The following NBPF15 variants were observed in gnomAD, a reference collection of about 807,000 sequenced individuals.
The protein encoded by NBPF15 is NBPF member 15, also known as NBPF family member NBPF15.
Under a neutral mutation model 62.2 loss-of-function variants are expected in NBPF15, and 74 were observed. That is an observed-to-expected ratio of 1.19 (90% CI 0.99 to 1.44). The LOEUF (loss-of-function observed/expected upper bound fraction) is 1.44. Among genes scored for constraint, NBPF15 ranks in the 40% most tolerant of loss-of-function variants. The pLI is 0.00. For missense variants in NBPF15, 790 were observed against 550.0 expected (o/e 1.44, Z -4.36); for synonymous variants, 244 against 209.7 (o/e 1.16, Z -1.41).
chr1:144,445,928 C>G (rs1271288047), intron 6 of NBPF15, among the ~76,000 whole-genome samples: 13 of 144,386 alleles, frequency 9.0e-5, no homozygotes, highest in Admixed American at 7.7e-4. Flanking sequence ...GCGATCTCGG[C>G]TCACTGCAAC....
At chr1:144,440,805 A>C (rs1571139382) in intron 6 of NBPF15, among the ~76,000 whole-genome samples, 3 of 150,710 alleles carry the variant, frequency 2.0e-5, no homozygotes, top group Admixed American at 6.6e-5. Flanking sequence ...GGCGCCCGCC[A>C]CCACGCCCGG....
In NBPF15 at chr1:144,439,883, T is replaced by A. The variant is rs1286241517; in HGVS notation, c.121A>T (p.Lys41Ter). The A allele has an allele frequency of 6.2e-7, 1 of 1,610,936 alleles. No homozygotes were observed. Among genetic ancestry groups the A allele is most frequent in the Non-Finnish European group, 8.5e-7 (1 of 1,178,994 alleles). Residue 41 changes from lysine (K) to a stop codon, truncating the protein, a stop_gained, in exon 8 of 22, where the codon AAA becomes TAA. Coordinates refer to ENST00000581897, the MANE Select transcript of NBPF15 (RefSeq NM_001385408.1). LOFTEE classifies it high-confidence loss of function. Reference sequence around the variant, plus strand: ...CCGGCCAGTTGAGTTAGAAAACATTTCTCTTTGAGGTTTCTGAACTGCTGT... The same window carrying A: ...CCGGCCAGTTGAGTTAGAAAACATTACTCTTTGAGGTTTCTGAACTGCTGT... ...KKQQFRNLKE[K>*]CFLTQLAGFL...
rs1442174216 is a variant in NBPF15, at chr1:144,422,916, T to A, written c.*97A>T. ...GCCATGCTCACTGACCCATCCTATG[T>A]CTGGGCTTCCAAATGGAACTGTACT... On this transcript the variant is annotated 3_prime_UTR_variant, in exon 22 of 22. Transcript: ENST00000581897. 6.2e-7 allele frequency: 1 copy of A among 1,610,632 alleles called. No individual in the cohort carries two copies. Among genetic ancestry groups the A allele is most frequent in the East Asian group, 2.2e-5 (1 of 44,844 alleles).
chr1:144,445,051 G>C (rs1686279152), intron 6 of NBPF15, among the ~76,000 whole-genome samples: 1 of 151,106 alleles, frequency 6.6e-6, no homozygotes, highest in Non-Finnish European at 1.5e-5. Flanking sequence ...TTTAATTTTA[G>C]CCATTCTTAT....
At chr1:144,441,419 T>A (rs1682843865) in intron 6 of NBPF15, among the ~76,000 whole-genome samples, 1 of 151,430 alleles carries the variant, frequency 6.6e-6, no homozygotes, top group South Asian at 2.1e-4. Flanking sequence ...CATTTAGATA[T>A]CTTCTTATGG....
intron 17 of NBPF15, 73 bp from the exon 18 acceptor site, chr1:144,426,523 G>C (rs1669771167): frequency 2.5e-5 from 19 of 770,252 alleles, no homozygotes; most frequent in South Asian, 2.3e-4. Flanking sequence ...TAGATTTCAT[G>C]GCTAACATAA....
At chr1:144,429,156 A>G (rs1553539859) in intron 14 of NBPF15, among the ~76,000 whole-genome samples, 4 of 151,620 alleles carry the variant, frequency 2.6e-5, no homozygotes, top group Non-Finnish European at 4.4e-5. Flanking sequence ...CCGTTTATCT[A>G]GAAAACGTAC....
At position 144,443,935 on chromosome 1, in the gene NBPF15, G is replaced by A. The variant is rs1322432360; in HGVS notation, c.-190-3640C>T. ...CAGCCTTTCAACCCTCAGCCCCAAGGAGCCACTGTCACTTCAGGTCCGTTT... is the reference window on the plus strand; with the variant it reads ...CAGCCTTTCAACCCTCAGCCCCAAGAAGCCACTGTCACTTCAGGTCCGTTT... On this transcript the variant is annotated intron_variant, in intron 6 of 21. Coordinates refer to ENST00000581897, the MANE Select transcript of NBPF15 (RefSeq NM_001385408.1). 5.3e-5 allele frequency among the ~76,000 whole-genome samples: 8 copies of A among 151,064 alleles called. No homozygotes were observed. The South Asian group carries it at 6.3e-4, about 12-fold the overall frequency.
intron 6 of NBPF15, among the ~76,000 whole-genome samples, chr1:144,443,954 T>C (rs1258391753): frequency 2.0e-5 from 3 of 151,506 alleles, no homozygotes; most frequent in Non-Finnish European, 4.4e-5. Context: ...TCACTTCAGG[T>C]CCGTTTGCAT....
intron 20 of NBPF15, 116 bp from the exon 21 acceptor site, chr1:144,424,091 C>T (rs1553538797): frequency 4.0e-6 from 3 of 751,740 alleles, no homozygotes; most frequent in African/African-American, 1.7e-5. Flanking sequence ...GAATACGACA[C>T]CATGAGAGAT....
At chr1:144,442,125 ACACG>A (rs1683435981) in intron 6 of NBPF15, among the ~76,000 whole-genome samples, 1 of 11,340 alleles carries the variant, frequency 8.8e-5, no homozygotes, top group Non-Finnish European at 1.7e-4. Context: ...TAATATATAT[ACACG>A]TGTATATATA....
intron 11 of NBPF15, 66 bp from the exon 12 acceptor site, chr1:144,435,382 C>A: frequency 1.4e-6 from 2 of 1,389,374 alleles, no homozygotes; most frequent in Non-Finnish European, 2.0e-6. Flanking sequence ...CCCAGGGAGT[C>A]CTAGCTGGTT....
chr1:144,451,023 C>T (rs1235152926), intron 4 of NBPF15, among the ~76,000 whole-genome samples, 153 bp from the exon 5 acceptor site: 3 of 152,106 alleles, frequency 2.0e-5, no homozygotes, highest in South Asian at 2.1e-4. Flanking sequence ...CGGCGTTCAG[C>T]ATATGGAGGA....
At chr1:144,427,691 C>T (rs1210913489) in intron 16 of NBPF15, 127 bp downstream of exon 16, 4 of 626,344 alleles carry the variant, frequency 6.4e-6, no homozygotes, top group South Asian at 1.9e-5. Context: ...ATTCAACCTA[C>T]ATGTGCCTAT....
At chr1:144,442,486 G>A (rs1469008708) in intron 6 of NBPF15, 1 of 149,212 alleles carries the variant, frequency 6.7e-6, no homozygotes, top group Non-Finnish European at 1.5e-5. Context: ...GCAGAGTCGT[G>A]GCGAGGAGGA....
intron 21 of NBPF15, among the ~76,000 whole-genome samples, chr1:144,423,553 C>T (rs1254229755): frequency 2.0e-5 from 3 of 151,840 alleles, no homozygotes; most frequent in Non-Finnish European, 2.9e-5. Flanking sequence ...TGAGTTAGTG[C>T]CCTCATGACA....
intron 14 of NBPF15, among the ~76,000 whole-genome samples, chr1:144,428,929 T>C (rs1672099325): frequency 6.6e-6 from 1 of 152,034 alleles, no homozygotes; most frequent in Non-Finnish European, 1.5e-5. Flanking sequence ...AGCAATTTTT[T>C]CCCCAATAAA....
Position 144,426,409 on chromosome 1 carries a change from A to G in NBPF15, c.1307T>C (p.Leu436Ser). 1 of 808,188 alleles carries G rather than the reference A, an allele frequency of 1.2e-6. No homozygotes were observed. The highest frequency in any genetic ancestry group is 2.2e-6 in the Non-Finnish European group (1 of 446,018). 50.1% of individuals were successfully genotyped at this position (808,188 alleles called of 1,614,324 possible). A position where few individuals can be genotyped will look rare whatever the true frequency, so the allele number is the denominator to read the frequency against. ...ATAACATCTATCCAGTGAGTCCTGC[A>G]AGACTTCAGGCTCTTTCTCATCCAG... ...ELLDEKEPEVLQDSLDRCYST... is the reference protein window; with the variant it reads ...ELLDEKEPEVSQDSLDRCYST... The change falls in exon 18 of 22, where the codon TTG becomes TCG. Residue 436 changes from leucine to serine, a missense_variant. By Grantham distance (145) the Leu-to-Ser change is moderately radical (BLOSUM62 -2). Transcript: ENST00000581897.
At position 144,424,291 on chromosome 1, in the gene NBPF15, A is replaced by G. The variant is rs1457846900; in HGVS notation, c.1664-316T>C. ...ATACCCTCAAATGATTTCTAGGAGA[A>G]AAACTGCAATATTTAGCCCTGTCTC... On this transcript the variant is annotated intron_variant, in intron 20 of 21. Transcript: ENST00000581897. 2.2e-4 allele frequency among the ~76,000 whole-genome samples: 33 copies of G among 151,770 alleles called. 1 individual carries two copies. The highest frequency in any genetic ancestry group is 7.2e-4 in the African/African-American group (30 of 41,462).
Sources: allele counts gnomAD v4.1 joint callset (sites outside exome capture counted in the v4.1 genomes callset), GRCh38; gene constraint gnomAD v4.1.1; transcripts MANE v1.5; gene names NCBI Gene and HGNC (gene_info 2026-07-23, HGNC 2026-07-21).